FHAD1: variants seen among roughly 807,000 people sequenced by gnomAD.
FHAD1 encodes the protein forkhead-associated domain-containing protein 1.
A neutral mutation model predicts 191.3 loss-of-function variants in FHAD1; 146 were observed. That is an observed-to-expected ratio of 0.76 (90% CI 0.67 to 0.88). The LOEUF (loss-of-function observed/expected upper bound fraction) is 0.88. Among genes scored for constraint, FHAD1 ranks in the 40% least tolerant of loss-of-function variants. The pLI is 0.00. For synonymous variants in FHAD1, 616 were observed against 672.3 expected (o/e 0.92, Z 1.29); for missense variants, 1,635 against 1,785.8 (o/e 0.92, Z 1.52).
Position 15,381,081 on chromosome 1 carries a change from T to C in FHAD1, c.3802-150T>C. Reference sequence around the variant, plus strand: ...GATGTGGGAGAAAGGAAAGTCATGCTGAAAGCCCCAGTTGCACATCCTTTC... The same window carrying C: ...GATGTGGGAGAAAGGAAAGTCATGCCGAAAGCCCCAGTTGCACATCCTTTC... On this transcript the variant is annotated intron_variant, in intron 29 of 33. Transcript: ENST00000688493. The surrounding 1 kb of genome is among the most constrained non-coding windows in gnomAD (Gnocchi z 4.6). 1 of 642,986 alleles carries C rather than the reference T, an allele frequency of 1.6e-6. No individual in the cohort carries two copies. The highest frequency in any genetic ancestry group is 2.0e-5 in the South Asian group (1 of 50,662). The allele number at this position is 642,986 out of a possible 1,614,324, so 39.8% of individuals were successfully genotyped here. A position where few individuals can be genotyped will look rare whatever the true frequency, so the allele number is the denominator to read the frequency against.
At chr1:15,261,984 G>A (rs1418929622) in intron 2 of FHAD1, among the ~76,000 whole-genome samples, 2 of 152,064 alleles carry the variant, frequency 1.3e-5, no homozygotes. Flanking sequence ...ACTCCAGCCT[G>A]GGCAACATAG....
intron 2 of FHAD1, among the ~76,000 whole-genome samples, chr1:15,253,763 T>C (rs1272735592): frequency 6.6e-6 from 1 of 152,234 alleles, no homozygotes; most frequent in Non-Finnish European, 1.5e-5. Flanking sequence ...TTATTTTTAC[T>C]TATTTGATCT....
intron 3 of FHAD1, among the ~76,000 whole-genome samples, chr1:15,283,985 G>T (rs1355363443): frequency 1.3e-5 from 2 of 152,220 alleles, no homozygotes; most frequent in African/African-American, 4.8e-5. Flanking sequence ...GAGTCAGACA[G>T]CATCACCACT....
At chr1:15,352,736 C>T (rs1299192382) in intron 19 of FHAD1, 141 bp from the exon 20 acceptor site, 1 of 642,078 alleles carries the variant, frequency 1.6e-6, no homozygotes, top group African/African-American at 1.8e-5. Flanking sequence ...CACCTCTGTC[C>T]CCAGTGGGTG....
chr1:15,389,249 C>T (rs1229373885), intron 32 of FHAD1, among the ~76,000 whole-genome samples: 1 of 151,990 alleles, frequency 6.6e-6, no homozygotes, highest in East Asian at 1.9e-4. Flanking sequence ...AGTTCAAGAC[C>T]AGCCTGGGCA....
chr1:15,252,147 A>G (rs1419718226), intron 2 of FHAD1, among the ~76,000 whole-genome samples: 1 of 152,180 alleles, frequency 6.6e-6, no homozygotes, highest in Non-Finnish European at 1.5e-5. Flanking sequence ...TGCAGAGCAG[A>G]TGAGCCCCAA....
chr1:15,314,367 G>A (rs1021558414), intron 8 of FHAD1: 9 of 151,908 alleles, frequency 5.9e-5, no homozygotes, highest in Admixed American at 3.9e-4. Flanking sequence ...CAGGAGCCCC[G>A]GGGGCACACA....
chr1:15,373,084 G>C (rs1698575409), intron 26 of FHAD1, among the ~76,000 whole-genome samples: 1 of 152,214 alleles, frequency 6.6e-6, no homozygotes, highest in Admixed American at 6.5e-5. Context: ...GTTTAGCTCA[G>C]AGTTTATGAA....
At chr1:15,260,298 T>TG (rs1650412540) in intron 2 of FHAD1, among the ~76,000 whole-genome samples, 1 of 152,194 alleles carries the variant, frequency 6.6e-6, no homozygotes, top group South Asian at 2.1e-4. Context: ...TGGGGAACTG[T>TG]GTTACGAGAC....
intron 6 of FHAD1, chr1:15,305,637 T>G (rs1226292242): frequency 8.8e-6 from 2 of 226,594 alleles, no homozygotes; most frequent in African/African-American, 4.7e-5. Context: ...AGGAGGTAAT[T>G]GAATCATGGG....
chr1:15,294,485 C>A (rs949713071), intron 4 of FHAD1, among the ~76,000 whole-genome samples: 1 of 152,138 alleles, frequency 6.6e-6, no homozygotes, highest in Non-Finnish European at 1.5e-5. Context: ...CCTCTACCTC[C>A]CGGGTTCAAG....
chr1:15,242,919 A>G (rs1317649143), upstream of FHAD1, among the ~76,000 whole-genome samples: 3 of 152,206 alleles, frequency 2.0e-5, no homozygotes, highest in Non-Finnish European at 2.9e-5. Context: ...CTTTCAATAA[A>G]ATGGATTGTT....
At chr1:15,254,231 C>T (rs1161009216) in intron 2 of FHAD1, among the ~76,000 whole-genome samples, 1 of 152,142 alleles carries the variant, frequency 6.6e-6, no homozygotes, top group Admixed American at 6.5e-5. Flanking sequence ...TTGAACTGGA[C>T]TATGATATTA....
At chr1:15,308,577 C>A in intron 6 of FHAD1, 36 bp from the exon 7 acceptor site, 1 of 1,549,906 alleles carries the variant, frequency 6.5e-7, no homozygotes. Flanking sequence ...CAGACGTGGG[C>A]CAGCCCCCCT....
At chr1:15,268,789 G>A (rs1194552545) in intron 2 of FHAD1, among the ~76,000 whole-genome samples, 1 of 150,054 alleles carries the variant, frequency 6.7e-6, no homozygotes, top group Non-Finnish European at 1.5e-5. Context: ...CTGCATAAAT[G>A]TCTTCTTTTG....
chr1:15,327,196 C>T lies in FHAD1; in HGVS notation c.1557+54C>T, dbSNP rs1269506471. ...CCTTCACTTTCCTCTTCTTCTTCTTCGTGGATCTGGATTCCAGACCCTGGG... is the reference window on the plus strand; with the variant it reads ...CCTTCACTTTCCTCTTCTTCTTCTTTGTGGATCTGGATTCCAGACCCTGGG... On this transcript the variant is annotated intron_variant, in intron 12 of 33. Coordinates refer to ENST00000688493, the MANE Select transcript of FHAD1 (RefSeq NM_001391957.1). The surrounding 1 kb of genome is among the most constrained non-coding windows in gnomAD (Gnocchi z 5.1). 3.7e-5 allele frequency: 46 copies of T among 1,232,174 alleles called. No individual in the cohort carries two copies. The highest frequency in any genetic ancestry group is 1.2e-4 in the Admixed American group (6 of 48,368). The allele number at this position is 1,232,174 out of a possible 1,614,324, so 76.3% of individuals were successfully genotyped here. A position where few individuals can be genotyped will look rare whatever the true frequency, so the allele number is the denominator to read the frequency against.
chr1:15,355,431 A>G (rs1295944968), intron 20 of FHAD1, among the ~76,000 whole-genome samples: 1 of 152,026 alleles, frequency 6.6e-6, no homozygotes, highest in Admixed American at 6.6e-5. Flanking sequence ...ATATAGGCAA[A>G]ATAGGAAAGG....
chr1:15,399,826 G>A (rs1707006781), downstream of FHAD1: 1 of 152,190 alleles, frequency 6.6e-6, no homozygotes, highest in Admixed American at 6.5e-5. Context: ...AAAACCCACA[G>A]AGGCAGTGCA....
chr1:15,392,927 C>T (rs537847980), intron 33 of FHAD1, among the ~76,000 whole-genome samples: 2 of 152,116 alleles, frequency 1.3e-5, no homozygotes, highest in African/African-American at 2.4e-5. Context: ...GAGAGAAGGG[C>T]GAACAAAAAG....
Sources: gnomAD v4.1 joint callset for allele counts (sites outside exome capture counted in the v4.1 genomes callset) on GRCh38, gnomAD v4.1.1 for gene constraint, Gnocchi (gnomAD v3.1) non-coding constraint, MANE v1.5 for transcripts, NCBI Gene and HGNC (gene_info 2026-07-23, HGNC 2026-07-21) for gene names.